The following PIEZO2 variants were observed in gnomAD, a reference collection of about 807,000 sequenced individuals.
PIEZO2 encodes the protein piezo type mechanosensitive ion channel component 2, also known as piezo-type mechanosensitive ion channel component 2.
PIEZO2 carries 172 observed loss-of-function variants against 337.3 expected under a neutral mutation model. That is an observed-to-expected ratio of 0.51 (90% CI 0.45 to 0.58). The LOEUF is 0.58. Among genes scored for constraint, PIEZO2 ranks in the 20% least tolerant of loss-of-function variants. The probability of loss-of-function intolerance (pLI) is 0.00; values close to 1 mark genes in which losing one functional copy is unlikely to be tolerated. For missense variants in PIEZO2, 3,028 were observed against 3,391.3 expected (o/e 0.89, Z 2.66); for synonymous variants, 1,251 against 1,228.5 (o/e 1.02, Z -0.38).
chr18:11,085,865 G>A (rs2038892786), intron 1 of PIEZO2, among the ~76,000 whole-genome samples: 1 of 151,352 alleles, frequency 6.6e-6, no homozygotes, highest in South Asian at 2.1e-4. Flanking sequence ...AACGGAGAGA[G>A]TGGAAGAGAG....
chr18:10,724,730 T>C lies in PIEZO2; in HGVS notation c.5030-6471A>G, dbSNP rs1333786793. 47 of 1,506,174 alleles carry C rather than the reference T, an allele frequency of 3.1e-5. No individual in the cohort carries two copies. The East Asian group carries it at 7.7e-4, about 25-fold the overall frequency. 93.3% of individuals were successfully genotyped at this position (1,506,174 alleles called of 1,614,324 possible). A position where few individuals can be genotyped will look rare whatever the true frequency, so the allele number is the denominator to read the frequency against. On this transcript the variant is annotated intron_variant, in intron 36 of 55. Coordinates refer to ENST00000674853, the MANE Select transcript of PIEZO2 (RefSeq NM_001378183.1). The surrounding 1 kb of genome is among the most constrained non-coding windows in gnomAD (Gnocchi z 5.8). ...CACTCAGACCGAGATGGGCCACCACTGTACCCCTGGTCTCAGTCCCTGGCC... is the reference window on the plus strand; with the variant it reads ...CACTCAGACCGAGATGGGCCACCACCGTACCCCTGGTCTCAGTCCCTGGCC...
At chr18:10,741,997 C>CA (rs60777999) in intron 32 of PIEZO2, among the ~76,000 whole-genome samples, 39,669 of 151,188 alleles carry the variant, frequency 0.26, 5,204 homozygotes, top group African/African-American at 0.28. Flanking sequence ...ACTAAAAATA[C>CA]AAAAAAAATT....
In PIEZO2 at chr18:10,982,565, G is replaced by A. The variant is rs112345931; in HGVS notation, c.161-2905C>T. ...GTATATTTCAAAATATGTAAGAAAA[G>A]AATGCTTTGAAGAATTTCAACAAAC... On this transcript the variant is annotated intron_variant, in intron 2 of 55. Coordinates refer to ENST00000674853, the MANE Select transcript of PIEZO2 (RefSeq NM_001378183.1). The surrounding 1 kb of genome is among the most constrained non-coding windows in gnomAD (Gnocchi z 4.1). Among the ~76,000 whole-genome samples, 1 of 152,116 alleles carries A rather than the reference G, an allele frequency of 6.6e-6. No individual in the cohort carries two copies. Among genetic ancestry groups the A allele is most frequent in the Admixed American group, 6.5e-5 (1 of 15,276 alleles).
rs2036049028 is a variant in PIEZO2 at position 11,014,829 on chromosome 18, C to A, written c.161-35169G>T. On this transcript the variant is annotated intron_variant, in intron 2 of 55. Coordinates refer to ENST00000674853, the MANE Select transcript of PIEZO2 (RefSeq NM_001378183.1). ...GACAGCGATCCGGGGCCCCCTCATT[C>A]CTCAGTGGAGAACATGTCACCCTGG... Among the ~76,000 whole-genome samples the A allele has an allele frequency of 2.1e-5, 3 of 144,432 alleles. No individual in the cohort carries two copies. In the South Asian group the frequency reaches 6.8e-4, roughly 33 times the overall value. 94.8% of individuals were successfully genotyped at this position (144,432 alleles called of 152,430 possible). A position where few individuals can be genotyped will look rare whatever the true frequency, so the allele number is the denominator to read the frequency against.
intron 2 of PIEZO2, among the ~76,000 whole-genome samples, chr18:10,999,603 C>T (rs561611680): frequency 6.6e-6 from 1 of 152,024 alleles, no homozygotes; most frequent in South Asian, 2.1e-4. Flanking sequence ...AAATATTATG[C>T]CATTTTATAT....
chr18:11,093,050 GAA>G (rs2039146231), intron 1 of PIEZO2, among the ~76,000 whole-genome samples: 1 of 152,196 alleles, frequency 6.6e-6, no homozygotes, highest in African/African-American at 2.4e-5. Context: ...TCAAACCAGA[GAA>G]TGATTTCTGG....
chr18:10,743,338 C>T (rs1029190834), intron 31 of PIEZO2, among the ~76,000 whole-genome samples: 1 of 152,140 alleles, frequency 6.6e-6, no homozygotes, highest in African/African-American at 2.4e-5. Flanking sequence ...CAAATGGTGT[C>T]TCCATTTGCT....
At chr18:11,119,373 C>A (rs1053610013) in intron 1 of PIEZO2, among the ~76,000 whole-genome samples, 1 of 152,106 alleles carries the variant, frequency 6.6e-6, no homozygotes, top group African/African-American at 2.4e-5. Context: ...CTCTTGACCT[C>A]GTGATCCACC....
intron 4 of PIEZO2, among the ~76,000 whole-genome samples, chr18:10,883,704 T>G (rs1390447683): frequency 1.3e-5 from 2 of 152,120 alleles, no homozygotes; most frequent in Non-Finnish European, 2.9e-5. Context: ...GTCTTGAACT[T>G]ATTCTTCCTG....
intron 26 of PIEZO2, 96 bp from the exon 27 acceptor site, chr18:10,758,230 G>T: frequency 1.5e-6 from 2 of 1,324,460 alleles, no homozygotes; most frequent in Non-Finnish European, 2.0e-6. Flanking sequence ...CCATTCCCCA[G>T]CTCCTAAGTG....
intron 18 of PIEZO2, 69 bp downstream of exon 18, chr18:10,780,256 A>C (rs1270754786): frequency 1.4e-6 from 1 of 700,900 alleles, no homozygotes; most frequent in African/African-American, 1.7e-5. Context: ...TGTATAAAGC[A>C]GTTAAGAGTT....
chr18:10,780,115 G>C (rs1165551237), intron 18 of PIEZO2, among the ~76,000 whole-genome samples: 1 of 152,198 alleles, frequency 6.6e-6, no homozygotes, highest in Non-Finnish European at 1.5e-5. Flanking sequence ...AGCACCAGCT[G>C]AAGACCCTCA....
chr18:10,670,351 G>T lies in PIEZO2; in HGVS notation c.*1176C>A, dbSNP rs954698685. The T allele has an allele frequency of 2.0e-5, 3 of 152,150 alleles. No individual in the cohort carries two copies. Among genetic ancestry groups the T allele is most frequent in the African/African-American group, 7.2e-5 (3 of 41,502 alleles). The allele number at this position is 152,150 out of a possible 1,614,324, so 9.4% of individuals were successfully genotyped here. A position where few individuals can be genotyped will look rare whatever the true frequency, so the allele number is the denominator to read the frequency against. On this transcript the variant is annotated 3_prime_UTR_variant, in exon 56 of 56. Coordinates refer to ENST00000674853, the MANE Select transcript of PIEZO2 (RefSeq NM_001378183.1). ...CATTCAATGATTCTTCTCAGAAACT[G>T]TATCTTAATATGGAATGAAAACTAC...
In PIEZO2 at chr18:10,833,293, C is replaced by G. The variant is rs181627268; in HGVS notation, c.917+22060G>C. 6.6e-6 allele frequency among the ~76,000 whole-genome samples: 1 copy of G among 152,104 alleles called. No individual in the cohort carries two copies. Among genetic ancestry groups the G allele is most frequent in the Non-Finnish European group, 1.5e-5 (1 of 68,008 alleles). On this transcript the variant is annotated intron_variant, in intron 7 of 55. Coordinates refer to ENST00000674853, the MANE Select transcript of PIEZO2 (RefSeq NM_001378183.1). The surrounding 1 kb of genome is among the most constrained non-coding windows in gnomAD (Gnocchi z 4.7). ...GCACAGAGATGAAACACAGTTCTGA[C>G]GCACTGGGATTCACTTATTTTTCCT...
Position 11,110,788 on chromosome 18 carries a change from C to A in PIEZO2, c.64+37737G>T, listed in dbSNP as rs1409976711. ...CAGCTCTGGCCCACGTGTGCGTTTCCTTTGGAACACACAGTATTGACCAGC... is the reference window on the plus strand; with the variant it reads ...CAGCTCTGGCCCACGTGTGCGTTTCATTTGGAACACACAGTATTGACCAGC... On this transcript the variant is annotated intron_variant, in intron 1 of 55. Transcript: ENST00000674853. The surrounding 1 kb of genome is among the most constrained non-coding windows in gnomAD (Gnocchi z 4.2). Among the ~76,000 whole-genome samples, 1 of 151,344 alleles carries A rather than the reference C, an allele frequency of 6.6e-6. No individual in the cohort carries two copies. Among genetic ancestry groups the A allele is most frequent in the East Asian group, 2.0e-4 (1 of 5,060 alleles).
At chr18:10,836,944 T>C (rs1216977333) in intron 7 of PIEZO2, among the ~76,000 whole-genome samples, 19 of 152,238 alleles carry the variant, frequency 1.2e-4, no homozygotes, top group Non-Finnish European at 2.9e-5. Flanking sequence ...TGTATTTATT[T>C]CATCTTGGTA....
intron 1 of PIEZO2, among the ~76,000 whole-genome samples, chr18:11,071,936 C>CGA (rs2038354308): frequency 6.6e-6 from 1 of 152,120 alleles, no homozygotes; most frequent in Non-Finnish European, 1.5e-5. Flanking sequence ...TCCAGTTTCC[C>CGA]ACCCGTGCCC....
chr18:10,672,279 C>T lies in PIEZO2; in HGVS notation c.8345+411G>A, dbSNP rs573440800. ...TACATTTGTGTCTTGTGGGGATGTG[C>T]GTGTCCTAGGATTTAAGCATCAGAA... is the stretch of plus-strand genomic sequence containing the variant. On this transcript the variant is annotated intron_variant, in intron 55 of 55. Coordinates refer to ENST00000674853, the MANE Select transcript of PIEZO2 (RefSeq NM_001378183.1). The surrounding 1 kb of genome is among the most constrained non-coding windows in gnomAD (Gnocchi z 4.7). 6.6e-6 allele frequency among the ~76,000 whole-genome samples: 1 copy of T among 152,104 alleles called. No homozygotes were observed. The highest frequency in any genetic ancestry group is 2.4e-5 in the African/African-American group (1 of 41,456).
At chr18:10,744,462 T>G (rs948027202) in intron 30 of PIEZO2, among the ~76,000 whole-genome samples, 1 of 152,096 alleles carries the variant, frequency 6.6e-6, no homozygotes, top group Non-Finnish European at 1.5e-5. Context: ...ACAAGCCCAG[T>G]AGTGAAGATC....
Sources: allele counts gnomAD v4.1 joint callset (sites outside exome capture counted in the v4.1 genomes callset), GRCh38; gene constraint gnomAD v4.1.1; non-coding constraint Gnocchi (gnomAD v3.1); transcripts MANE v1.5; gene names NCBI Gene and HGNC (gene_info 2026-07-23, HGNC 2026-07-21).